Variants in ARID1B observed in about 807,000 individuals in gnomAD.
The protein encoded by ARID1B is AT-rich interactive domain-containing protein 1B.
A neutral mutation model predicts 212.3 loss-of-function variants in ARID1B; 30 were observed. That is an observed-to-expected ratio of 0.14 (90% confidence interval 0.11 to 0.19). The LOEUF is 0.19. Among genes scored for constraint, ARID1B ranks in the 10% least tolerant of loss-of-function variants. The pLI is 1.00. For missense variants in ARID1B, 2,891 were observed against 3,204.0 expected (o/e 0.90, Z 2.36); for synonymous variants, 1,402 against 1,301.7 (o/e 1.08, Z -1.66).
Position 156,836,112 on chromosome 6 carries a change from A to G in ARID1B, c.1986+6691A>G, listed in dbSNP as rs568152600. Reference sequence around the variant, plus strand: ...CAGTCGACGTCAGTAAAATGAACCAACCATATCCCTTCAGCGCTCCTTGGA... The same window carrying G: ...CAGTCGACGTCAGTAAAATGAACCAGCCATATCCCTTCAGCGCTCCTTGGA... On this transcript the variant is annotated intron_variant, in intron 2 of 19. Coordinates refer to ENST00000636930, the MANE Select transcript of ARID1B (RefSeq NM_001374828.1). Among the ~76,000 whole-genome samples, 12 of 152,284 alleles carry G rather than the reference A, an allele frequency of 7.9e-5. No individual in the cohort carries two copies. The South Asian group carries it at 2.1e-3, about 26-fold the overall frequency.
chr6:156,779,089 C>A lies in ARID1B; in HGVS notation c.1409C>A (p.Ala470Asp). The A allele has an allele frequency of 8.2e-7, 1 of 1,222,842 alleles. No homozygotes were observed. Among genetic ancestry groups the A allele is most frequent in the Non-Finnish European group, 1.0e-6 (1 of 983,978 alleles). The allele number at this position is 1,222,842 out of a possible 1,614,324, so 75.7% of individuals were successfully genotyped here. ...GMMMGPGGGG[A>D]ASLSKAAAGS... is the part of the protein sequence containing the mutation. ...ATGATGGGCCCCGGGGGCGGCGGGG[C>A]CGCGAGCCTCAGCAAGGCGGCCGCC... The change falls in exon 1 of 20, where the codon GCC becomes GAC. Residue 470 changes from alanine to aspartate, a missense_variant. Around this residue, in one of 7 missense-constraint regions of ARID1B, gnomAD observed 1,643 missense variants for 1,544.0 expected, o/e 1.06. Transcript: ENST00000636930.
At chr6:157,065,344 A>G (rs905578648) in intron 4 of ARID1B, among the ~76,000 whole-genome samples, 13 of 152,274 alleles carry the variant, frequency 8.5e-5, no homozygotes, top group African/African-American at 2.9e-4. Flanking sequence ...GTTCTGTACC[A>G]TAATCGGGAT....
At chr6:156,890,987 T>C (rs1180529095) in intron 2 of ARID1B, among the ~76,000 whole-genome samples, 1 of 152,126 alleles carries the variant, frequency 6.6e-6, no homozygotes, top group Non-Finnish European at 1.5e-5. Context: ...ACCTAAGCTG[T>C]TTAGGAGTCT....
intron 1 of ARID1B, among the ~76,000 whole-genome samples, chr6:156,812,974 G>GTATATACATA (rs1554254426): frequency 2.4e-5 from 2 of 84,496 alleles, no homozygotes; most frequent in African/African-American, 5.3e-5. Context: ...GTGTGTGTGT[G>GTATATACATA]TGTATGTATA....
chr6:157,043,443 G>A (rs2128533538), intron 4 of ARID1B, among the ~76,000 whole-genome samples: 1 of 152,166 alleles, frequency 6.6e-6, no homozygotes, highest in African/African-American at 2.4e-5. Context: ...TTGTTTTGGT[G>A]TTCTTTTGTA....
chr6:157,095,997 A>G (rs766639795), intron 5 of ARID1B, among the ~76,000 whole-genome samples: 6 of 152,216 alleles, frequency 3.9e-5, no homozygotes, highest in Non-Finnish European at 7.3e-5. Flanking sequence ...ACCACTGACC[A>G]TGACTTTGCG....
chr6:157,198,853 C>T lies in ARID1B; in HGVS notation c.4425C>T (p.Pro1475=), dbSNP rs1793920274. ...AGCAGTATCCAGGCCAAGGCCCTCC[C>T]TCGGGACAGCCGCCGTATGGAGGGC... ...YGQQYPGQGP[P]SGQPPYGGHQ... The change falls in exon 17 of 20, where the codon CCC becomes CCT. Residue 1475 remains proline (P), a synonymous_variant. Coordinates refer to ENST00000636930, the MANE Select transcript of ARID1B (RefSeq NM_001374828.1). The T allele has an allele frequency of 6.2e-7, 1 of 1,611,684 alleles. No individual in the cohort carries two copies. Among genetic ancestry groups the T allele is most frequent in the Non-Finnish European group, 8.5e-7 (1 of 1,179,156 alleles).
At chr6:157,166,579 T>C (rs985076911) in intron 8 of ARID1B, 1 of 152,640 alleles carries the variant, frequency 6.6e-6, no homozygotes, top group Non-Finnish European at 1.5e-5. Flanking sequence ...ATATTCATTA[T>C]ATCAGAAAAT....
chr6:157,207,469 A>G lies in ARID1B; in HGVS notation c.6697A>G (p.Lys2233Glu). ...CACTCCTCCATTTAGTCGTCAGGAG[A>G]AATTCTATGCTACATTAGTTAGGTA... ...LATPPFSRQEKFYATLVRYVG... is the reference protein window; with the variant it reads ...LATPPFSRQEEFYATLVRYVG... The change falls in exon 20 of 20, where the codon AAA (lysine) becomes GAA (glutamate). Residue 2233 changes from lysine (K) to glutamate (E), a missense_variant. Coordinates refer to ENST00000636930, the MANE Select transcript of ARID1B (RefSeq NM_001374828.1). The surrounding 1 kb of genome is among the most constrained non-coding windows in gnomAD (Gnocchi z 8.5). The G allele has an allele frequency of 6.2e-7, 1 of 1,614,118 alleles. No individual in the cohort carries two copies. Among genetic ancestry groups the G allele is most frequent in the Non-Finnish European group, 8.5e-7 (1 of 1,180,024 alleles).
intron 6 of ARID1B, among the ~76,000 whole-genome samples, chr6:157,132,310 A>G (rs1017638676): frequency 6.6e-6 from 1 of 152,216 alleles, no homozygotes; most frequent in African/African-American, 2.4e-5. Context: ...CTGAGGGAGC[A>G]TTTGGAGGAG....
At chr6:156,827,754 C>CTTTTTTTTTTTTTTT (rs532857305) in intron 1 of ARID1B, among the ~76,000 whole-genome samples, 1 of 68,420 alleles carries the variant, frequency 1.5e-5, no homozygotes, top group Non-Finnish European at 2.9e-5. Flanking sequence ...CCTGGTAATT[C>CTTTTTTTTTTTTTTT]TTTTTTTTTT....
chr6:157,180,445 A>G (rs932974102), intron 11 of ARID1B, among the ~76,000 whole-genome samples: 1 of 151,846 alleles, frequency 6.6e-6, no homozygotes, highest in African/African-American at 2.4e-5. Context: ...CTGGAAATCT[A>G]CCTTATATTT....
At chr6:156,912,076 A>G (rs972349469) in intron 3 of ARID1B, among the ~76,000 whole-genome samples, 1 of 152,192 alleles carries the variant, frequency 6.6e-6, no homozygotes, top group African/African-American at 2.4e-5. Flanking sequence ...CTACATAAAC[A>G]TGTAATGCAT....
At chr6:156,878,725 A>G (rs928973366) in intron 2 of ARID1B, among the ~76,000 whole-genome samples, 5 of 152,196 alleles carry the variant, frequency 3.3e-5, no homozygotes, top group Non-Finnish European at 5.9e-5. Flanking sequence ...GTGAGGAGTT[A>G]CCCAAATCCC....
At chr6:157,108,930 G>A (rs1786695377) in intron 5 of ARID1B, among the ~76,000 whole-genome samples, 1 of 152,084 alleles carries the variant, frequency 6.6e-6, no homozygotes, top group African/African-American at 2.4e-5. Context: ...TACACACTCA[G>A]GAACACTCAG....
intron 7 of ARID1B, among the ~76,000 whole-genome samples, chr6:157,138,544 A>C (rs1319247234): frequency 6.6e-6 from 1 of 151,966 alleles, no homozygotes; most frequent in Non-Finnish European, 1.5e-5. Context: ...CTTATTATTG[A>C]ATTGGCTTAA....
chr6:156,926,774 C>T (rs1031585375), intron 3 of ARID1B, among the ~76,000 whole-genome samples: 2 of 152,146 alleles, frequency 1.3e-5, no homozygotes, highest in African/African-American at 2.4e-5. Context: ...CTTCGCCTCC[C>T]AGGTTCAAGT....
intron 4 of ARID1B, among the ~76,000 whole-genome samples, chr6:156,944,544 A>G (rs1313016871): frequency 2.6e-5 from 4 of 152,162 alleles, no homozygotes; most frequent in Admixed American, 1.3e-4. Context: ...AGAACAACCA[A>G]CCAGCCAACC....
intron 6 of ARID1B, among the ~76,000 whole-genome samples, chr6:157,123,247 C>A (rs9383821): frequency 0.018 from 2,019 of 111,816 alleles, 70 homozygotes; most frequent in African/African-American, 0.056. Context: ...CGCCCCCCCC[C>A]CACACACACA....
Sources: allele counts gnomAD v4.1 joint callset (sites outside exome capture counted in the v4.1 genomes callset), GRCh38; gene constraint gnomAD v4.1.1; regional missense constraint gnomAD v4.1.1; non-coding constraint Gnocchi (gnomAD v3.1); transcripts MANE v1.5; gene names NCBI Gene and HGNC (gene_info 2026-07-23, HGNC 2026-07-21).